Variants in DPP6 observed in about 807,000 individuals in gnomAD.
The protein encoded by DPP6 is A-type potassium channel modulatory protein DPP6.
DPP6 carries 69 observed loss-of-function variants against 122.6 expected under a neutral mutation model. The ratio of observed to expected loss-of-function variants is 0.56; its 90% CI spans 0.46 to 0.69. DPP6 has a LOEUF of 0.69. Among genes scored for constraint, DPP6 ranks in the 30% least tolerant of loss-of-function variants. DPP6 has a pLI of 0.00. For synonymous variants in DPP6, 418 were observed against 433.1 expected, an observed-to-expected ratio of 0.97 and a Z score of 0.43; for missense variants, 928 against 1,116.9, an observed-to-expected ratio of 0.83 and a Z score of 2.41.
intron 1 of DPP6, among the ~76,000 whole-genome samples, chr7:154,432,328 G>A (rs1818492584): frequency 6.6e-6 from 1 of 152,166 alleles, no homozygotes; most frequent in Non-Finnish European, 1.5e-5. Flanking sequence ...TTCTGGTATG[G>A]AATGTGTATG....
intron 19 of DPP6, among the ~76,000 whole-genome samples, chr7:154,873,384 A>G (rs544517342): frequency 8.5e-5 from 13 of 152,256 alleles, no homozygotes; most frequent in South Asian, 6.2e-4. Flanking sequence ...AAATGCCCCA[A>G]TGCACCTCCT....
chr7:154,207,963 A>C (rs745667987), intron 1 of DPP6, among the ~76,000 whole-genome samples: 3 of 148,964 alleles, frequency 2.0e-5, no homozygotes, highest in Non-Finnish European at 2.9e-5. Context: ...AAAAAAAAAA[A>C]AAAATTTAAG....
the DPP6 span, among the ~76,000 whole-genome samples, chr7:153,819,689 AAGG>A: frequency 5.3e-5 from 8 of 152,220 alleles, no homozygotes; most frequent in African/African-American, 1.9e-4. Context: ...TTTCATTTAT[AAGG>A]AGGACGGATG....
chr7:154,656,658 C>G lies in DPP6; in HGVS notation c.681-12702C>G, dbSNP rs78866804. On this transcript the variant is annotated intron_variant, in intron 6 of 25. Coordinates refer to ENST00000377770, the MANE Select transcript of DPP6 (RefSeq NM_130797.4). ...GATTTGGACCACTCACTGGATTGGA[C>G]CAAGACCGGTAGGCGTTGGGCTGAT... 1.3e-3 allele frequency among the ~76,000 whole-genome samples: 195 copies of G among 152,142 alleles called. 1 individual carries two copies. The highest frequency in any genetic ancestry group is 4.4e-3 in the African/African-American group (183 of 41,492).
chr7:153,781,791 A>G, the DPP6 span, among the ~76,000 whole-genome samples: 1 of 152,072 alleles, frequency 6.6e-6, no homozygotes, highest in East Asian at 1.9e-4. Flanking sequence ...TCCTTTATAT[A>G]GAAAAAGATG....
intron 1 of DPP6, among the ~76,000 whole-genome samples, chr7:154,383,324 A>G (rs566664807): frequency 1.4e-4 from 21 of 152,128 alleles, no homozygotes; most frequent in Non-Finnish European, 2.8e-4. Flanking sequence ...CATAAAATAC[A>G]ATTTCCTGTT....
At chr7:154,508,746 A>C (rs1042393682) in intron 3 of DPP6, among the ~76,000 whole-genome samples, 1 of 152,206 alleles carries the variant, frequency 6.6e-6, no homozygotes, top group Non-Finnish European at 1.5e-5. Flanking sequence ...AAGAAAAGGC[A>C]CTAATTAGAC....
intron 1 of DPP6, among the ~76,000 whole-genome samples, chr7:154,121,327 C>T (rs751743249): frequency 1.3e-5 from 2 of 152,042 alleles, no homozygotes; most frequent in Non-Finnish European, 2.9e-5. Flanking sequence ...TTAGCTTGCT[C>T]TTCTTTTGCT....
intron 1 of DPP6, among the ~76,000 whole-genome samples, chr7:154,076,864 C>A (rs919280437): frequency 6.6e-6 from 1 of 151,222 alleles, no homozygotes; most frequent in East Asian, 2.0e-4. Context: ...AGGAATACAG[C>A]GCTTTGAAAC....
intron 1 of DPP6, among the ~76,000 whole-genome samples, chr7:154,272,641 A>G (rs915813078): frequency 2.6e-5 from 4 of 152,166 alleles, no homozygotes; most frequent in Non-Finnish European, 5.9e-5. Context: ...GGGGGACTCC[A>G]TTAGCCCCAG....
intron 1 of DPP6, among the ~76,000 whole-genome samples, chr7:153,900,821 T>C (rs1210268112): frequency 6.6e-6 from 1 of 152,176 alleles, no homozygotes; most frequent in East Asian, 1.9e-4. Context: ...CGTAGCACGC[T>C]TTATGGTAGC....
At chr7:153,808,346 C>T in the DPP6 span, among the ~76,000 whole-genome samples, 2 of 144,674 alleles carry the variant, frequency 1.4e-5, no homozygotes, top group East Asian at 2.0e-4. Context: ...TGTGTTTGCA[C>T]GTGTGTGTGT....
rs368709769 is a variant in DPP6, at chr7:154,868,082, T to A, written c.1802T>A (p.Ile601Asn). Residue 601 changes from isoleucine to asparagine, a missense_variant, in exon 18 of 26, where the codon ATT becomes AAT. Coordinates refer to ENST00000377770, the MANE Select transcript of DPP6 (RefSeq NM_130797.4). The part of the protein sequence containing the change: ...MPKVEYRDIE[I>N]DDYNLPMQIL... The stretch of plus-strand genomic sequence containing the variant: ...AAAGTGGAATACAGGGACATTGAGA[T>A]TGATGATTACAGTAAGTACTACGTT... 11 of 1,605,588 alleles carry A rather than the reference T, an allele frequency of 6.9e-6. No individual in the cohort carries two copies. Among genetic ancestry groups the A allele is most frequent in the Admixed American group, 1.7e-5 (1 of 58,934 alleles).
At chr7:154,045,067 C>T (rs557043918) in intron 1 of DPP6, among the ~76,000 whole-genome samples, 2 of 152,188 alleles carry the variant, frequency 1.3e-5, no homozygotes, top group South Asian at 4.2e-4. Context: ...TTTGACAATT[C>T]CCTTTTGATT....
At chr7:153,815,716 G>C in the DPP6 span, among the ~76,000 whole-genome samples, 2 of 152,220 alleles carry the variant, frequency 1.3e-5, no homozygotes, top group East Asian at 3.9e-4. Flanking sequence ...AACAAATTCA[G>C]ACAGAGATCT....
At chr7:154,612,659 T>A (rs999211135) in intron 5 of DPP6, among the ~76,000 whole-genome samples, 1 of 152,200 alleles carries the variant, frequency 6.6e-6, no homozygotes, top group Non-Finnish European at 1.5e-5. Context: ...GGGATTCTTG[T>A]CTATGAATTC....
intron 1 of DPP6, among the ~76,000 whole-genome samples, chr7:154,267,635 CATGCACACATAT>C (rs1056655325): frequency 6.0e-5 from 9 of 150,652 alleles, no homozygotes; most frequent in Non-Finnish European, 1.2e-4. Flanking sequence ...CACACATATA[CATGCACACATAT>C]ATGCACACAT....
chr7:154,503,335 T>G (rs1450638543), intron 3 of DPP6, among the ~76,000 whole-genome samples: 2 of 152,208 alleles, frequency 1.3e-5, no homozygotes, highest in African/African-American at 4.8e-5. Context: ...AGCATGTGGT[T>G]TGAAGCCAAT....
chr7:154,110,127 A>G (rs1806468393), intron 1 of DPP6, among the ~76,000 whole-genome samples: 1 of 151,712 alleles, frequency 6.6e-6, no homozygotes, highest in Non-Finnish European at 1.5e-5. Context: ...ACATTTGTCA[A>G]CTGTGGCTTT....
Sources: allele counts gnomAD v4.1 joint callset (sites outside exome capture counted in the v4.1 genomes callset), GRCh38; gene constraint gnomAD v4.1.1; transcripts MANE v1.5; gene names NCBI Gene and HGNC (gene_info 2026-07-23, HGNC 2026-07-21).